The following RGPD2 variants were observed in gnomAD, a reference collection of about 807,000 sequenced individuals.
The protein encoded by RGPD2 is RANBP2-like and GRIP domain-containing protein 2.
A neutral mutation model predicts 36.0 loss-of-function variants in RGPD2; 2 were observed. The observed-to-expected ratio is 0.06, with a 90% CI of 0.02 to 0.17. RGPD2 has a LOEUF of 0.17. Ranked by LOEUF, RGPD2 falls within the 10% of genes least tolerant of loss-of-function variation. The pLI is 1.00. For synonymous variants in RGPD2, 19 were observed against 163.8 expected (o/e 0.12, Z 6.75); for missense variants, 40 against 464.3 (o/e 0.09, Z 8.40).
At chr2:87,986,550 C>T in the RGPD2 span, among the ~76,000 whole-genome samples, 4 of 152,030 alleles carry the variant, frequency 2.6e-5, no homozygotes, top group Admixed American at 6.6e-5. Flanking sequence ...TGCTCCCCTT[C>T]ACTCTTAAAG....
At chr2:87,872,376 A>G in the RGPD2 span, among the ~76,000 whole-genome samples, 2 of 152,236 alleles carry the variant, frequency 1.3e-5, no homozygotes, top group Admixed American at 1.3e-4. Context: ...AATAACAAAC[A>G]TGATAAACAG....
the RGPD2 span, among the ~76,000 whole-genome samples, chr2:87,980,505 G>GTAATAA: frequency 2.4e-5 from 1 of 41,980 alleles, no homozygotes; most frequent in Non-Finnish European, 5.2e-5. Flanking sequence ...AAATCATGCA[G>GTAATAA]TAATACATAC....
chr2:87,834,541 T>G, the RGPD2 span, among the ~76,000 whole-genome samples: 4 of 152,060 alleles, frequency 2.6e-5, no homozygotes, highest in Non-Finnish European at 4.4e-5. Context: ...AAAATAGATT[T>G]TTTGCTTACT....
chr2:87,935,290 A>G, the RGPD2 span, among the ~76,000 whole-genome samples: 5 of 150,962 alleles, frequency 3.3e-5, no homozygotes, highest in Admixed American at 3.3e-4. Flanking sequence ...ATTTCTAGAT[A>G]AAAATAAACA....
the RGPD2 span, among the ~76,000 whole-genome samples, chr2:87,967,409 A>G: frequency 1.0e-5 from 1 of 97,884 alleles, no homozygotes; most frequent in African/African-American, 3.8e-5. Context: ...ACTCCATCTC[A>G]AAAAAAAAAA....
the RGPD2 span, among the ~76,000 whole-genome samples, chr2:87,983,671 G>T: frequency 0.16 from 21,601 of 138,994 alleles, 761 homozygotes; most frequent in Non-Finnish European, 0.2. Flanking sequence ...CAGGTAAATG[G>T]CACTAAAGGT....
the RGPD2 span, among the ~76,000 whole-genome samples, chr2:87,852,712 C>T: frequency 2.6e-5 from 4 of 152,392 alleles, no homozygotes; most frequent in Admixed American, 6.5e-5. Flanking sequence ...GCAGAATGTT[C>T]TTCTAGATAT....
rs760248338 is a variant in RGPD2, at chr2:87,825,673, G to A, written c.57C>T (p.Ala19=). The change falls in exon 1 of 23, where the codon GCC becomes GCT. Residue 19 remains alanine, a synonymous_variant. Transcript: ENST00000398146. ...ATCCACTCACCTTTCCAGGCGACGG[G>A]GCGGAGCCCTGCACCGAGGCGAGGT... is the stretch of plus-strand genomic sequence containing the variant. The part of the protein sequence containing the change: ...ERYLASVQGS[A]PSPGKKLRGF... 4 of 1,591,954 alleles carry A rather than the reference G, an allele frequency of 2.5e-6. No individual in the cohort carries two copies. In the Admixed American group the frequency reaches 6.9e-5, roughly 27 times the overall value.
the RGPD2 span, among the ~76,000 whole-genome samples, chr2:87,845,891 G>A: frequency 4.0e-5 from 6 of 151,692 alleles, no homozygotes; most frequent in Admixed American, 3.9e-4. Flanking sequence ...ATACTTATTA[G>A]CATATTTTAT....
chr2:87,842,939 T>C, the RGPD2 span, among the ~76,000 whole-genome samples: 4 of 147,970 alleles, frequency 2.7e-5, no homozygotes, highest in Non-Finnish European at 3.0e-5. Context: ...TGGACAAACC[T>C]GAGAAAAACA....
the RGPD2 span, among the ~76,000 whole-genome samples, chr2:87,878,052 C>T: frequency 6.6e-6 from 1 of 151,764 alleles, no homozygotes; most frequent in Non-Finnish European, 1.5e-5. Context: ...TCTGCATTTC[C>T]TGAATTTGAA....
the RGPD2 span, among the ~76,000 whole-genome samples, chr2:87,915,548 G>A: frequency 1.0e-4 from 14 of 137,680 alleles, no homozygotes; most frequent in African/African-American, 3.7e-4. Flanking sequence ...ACATATATAT[G>A]TGTATGTGTA....
chr2:87,853,346 C>T, the RGPD2 span, among the ~76,000 whole-genome samples: 1 of 152,240 alleles, frequency 6.6e-6, no homozygotes, highest in East Asian at 1.9e-4. Flanking sequence ...CCTCAGCCTC[C>T]TGAGTAACTA....
chr2:87,964,806 T>C, the RGPD2 span, among the ~76,000 whole-genome samples: 1 of 80,712 alleles, frequency 1.2e-5, no homozygotes, highest in East Asian at 7.0e-4. Context: ...GAATTCTTTT[T>C]ATTTATTTAT....
chr2:87,833,817 T>G, the RGPD2 span, among the ~76,000 whole-genome samples: 1 of 122 alleles, frequency 8.2e-3, no homozygotes, highest in Non-Finnish European at 0.017. Flanking sequence ...CTACATATCT[T>G]ATATTACAAT....
At chr2:87,966,682 C>T in the RGPD2 span, among the ~76,000 whole-genome samples, 12 of 152,140 alleles carry the variant, frequency 7.9e-5, no homozygotes, top group African/African-American at 2.9e-4. Flanking sequence ...AATCGCAGCA[C>T]TTCGGAGGCC....
the RGPD2 span, among the ~76,000 whole-genome samples, chr2:87,896,897 A>AT: frequency 6.9e-6 from 1 of 145,072 alleles, no homozygotes; most frequent in East Asian, 2.1e-4. Flanking sequence ...TGCATCTCTT[A>AT]TTTTTTATAT....
At chr2:87,871,652 G>A in the RGPD2 span, among the ~76,000 whole-genome samples, 1 of 152,232 alleles carries the variant, frequency 6.6e-6, no homozygotes, top group Admixed American at 6.5e-5. Flanking sequence ...GATTACCCGA[G>A]ATTGGGAATT....
At chr2:87,845,544 G>C in the RGPD2 span, among the ~76,000 whole-genome samples, 2 of 148,522 alleles carry the variant, frequency 1.3e-5, no homozygotes, top group Admixed American at 1.4e-4. Flanking sequence ...TGCTAGGGGG[G>C]GTTTGTTGAA....
Sources: allele counts gnomAD v4.1 joint callset (sites outside exome capture counted in the v4.1 genomes callset), GRCh38; gene constraint gnomAD v4.1.1; transcripts MANE v1.5; gene names NCBI Gene and HGNC (gene_info 2026-07-23, HGNC 2026-07-21).